The following NR2F6 variants were observed in gnomAD, a reference collection of about 807,000 sequenced individuals.
NR2F6 encodes ERBA-related gene-2.
A neutral mutation model predicts 26.5 loss-of-function variants in NR2F6; 16 were observed. The ratio of observed to expected loss-of-function variants is 0.60; its 90% CI spans 0.41 to 0.92. The LOEUF is 0.92. NR2F6 is among the 40% of genes least tolerant of loss of function. The probability of loss-of-function intolerance (pLI) is 0.00; values close to 1 mark genes in which losing one functional copy is unlikely to be tolerated. For missense variants in NR2F6, 536 were observed against 631.7 expected, an observed-to-expected ratio of 0.85 and a Z score of 1.62; for synonymous variants, 325 against 305.0, an observed-to-expected ratio of 1.07 and a Z score of -0.68.
intron 3 of NR2F6, among the ~76,000 whole-genome samples, chr19:17,233,788 C>G (rs1477401000): frequency 6.6e-6 from 1 of 151,850 alleles, no homozygotes; most frequent in African/African-American, 2.4e-5. Context: ...ACCAGCCAGG[C>G]CAAGGAGATG....
intron 2 of NR2F6, 92 bp downstream of exon 2, chr19:17,240,579 A>C (rs952177187): frequency 5.6e-5 from 68 of 1,204,858 alleles, no homozygotes; most frequent in Non-Finnish European, 7.1e-5. Context: ...GGAGGGGTGA[A>C]AGGGAGGGGA....
chr19:17,237,646 G>A (rs991334742), intron 2 of NR2F6, among the ~76,000 whole-genome samples: 1 of 152,076 alleles, frequency 6.6e-6, no homozygotes, highest in Non-Finnish European at 1.5e-5. Flanking sequence ...TCCTGACCTC[G>A]TGATCTGCCC....
intron 1 of NR2F6, among the ~76,000 whole-genome samples, chr19:17,241,371 C>T (rs1020963801): frequency 1.3e-5 from 2 of 151,920 alleles, no homozygotes; most frequent in Admixed American, 1.3e-4. Context: ...GAAGGCCCCA[C>T]ACCTACGCTC....
At chr19:17,244,825 A>T in intron 1 of NR2F6, 118 bp downstream of exon 1, 1 of 1,197,270 alleles carries the variant, frequency 8.4e-7, no homozygotes, top group Non-Finnish European at 1.2e-6. Flanking sequence ...CCTATCTCAG[A>T]GGGGGCAGTG....
intron 1 of NR2F6, 114 bp from the exon 2 acceptor site, chr19:17,240,879 G>T: frequency 1.0e-6 from 1 of 983,676 alleles, no homozygotes; most frequent in Non-Finnish European, 1.5e-6. Context: ...GGGCCCTCTA[G>T]ACTGGAGAGG....
chr19:17,244,932 G>A lies in NR2F6; in HGVS notation c.278+11C>T. 2.6e-6 allele frequency: 4 copies of A among 1,563,194 alleles called. No homozygotes were observed. The highest frequency in any genetic ancestry group is 1.9e-5 in the Admixed American group (1 of 51,398). ...GGGTGCACGGCGGCGGCGCGCGGAT[G>A]GGGGGCTCACCGGCAGGTGTAGCTG... is the stretch of plus-strand genomic sequence containing the variant. On this transcript the variant is annotated intron_variant, in intron 1 of 3. Transcript: ENST00000291442.
At chr19:17,233,936 C>A (rs1279790929) in intron 3 of NR2F6, among the ~76,000 whole-genome samples, 1 of 151,872 alleles carries the variant, frequency 6.6e-6, no homozygotes, top group Non-Finnish European at 1.5e-5. Flanking sequence ...AAGAAGAAAT[C>A]TGGGAAGGCC....
At chr19:17,234,926 G>A (rs2073427191) in intron 3 of NR2F6, among the ~76,000 whole-genome samples, 1 of 152,188 alleles carries the variant, frequency 6.6e-6, no homozygotes, top group Admixed American at 6.5e-5. Flanking sequence ...CCAGTCGCTG[G>A]AATACGATGG....
intron 1 of NR2F6, among the ~76,000 whole-genome samples, 154 bp downstream of exon 1, chr19:17,244,789 G>A (rs1568318846): frequency 1.3e-5 from 2 of 152,228 alleles, no homozygotes; most frequent in East Asian, 1.9e-4. Context: ...TCCCAGCCAT[G>A]GAATGCGGGA....
chr19:17,235,547 C>T lies in NR2F6; in HGVS notation c.892G>A (p.Asp298Asn). 6.3e-7 allele frequency: 1 copy of T among 1,596,668 alleles called. No individual in the cohort carries two copies. Among genetic ancestry groups the T allele is most frequent in the Admixed American group, 1.7e-5 (1 of 59,502 alleles). Reference protein sequence around the residue: ...QVDKLGRLQVDSAEYGCLKAI... With the variant: ...QVDKLGRLQVNSAEYGCLKAI... ...TTGAGGCAGCCATACTCGGCCGAGTCGACCTGCAGGCGGCCCAGCTTGTCC... is the reference window on the plus strand; with the variant it reads ...TTGAGGCAGCCATACTCGGCCGAGTTGACCTGCAGGCGGCCCAGCTTGTCC... Residue 298 changes from aspartate to asparagine, a missense_variant, in exon 3 of 4, where the codon GAC (aspartate) becomes AAC (asparagine). Asp to Asn is a conservative substitution (Grantham distance 23). Transcript: ENST00000291442. The surrounding 1 kb of genome is among the most constrained non-coding windows in gnomAD (Gnocchi z 5.0).
chr19:17,243,474 A>G (rs2073479681), intron 1 of NR2F6, among the ~76,000 whole-genome samples: 1 of 141,618 alleles, frequency 7.1e-6, no homozygotes, highest in South Asian at 2.3e-4. Flanking sequence ...CCCCCCACCC[A>G]AAATTGCTGC....
At chr19:17,240,786 G>C (rs769144141) in intron 1 of NR2F6, 21 bp from the exon 2 acceptor site, 1 of 1,611,786 alleles carries the variant, frequency 6.2e-7, no homozygotes, top group Non-Finnish European at 8.5e-7. Flanking sequence ...ACAGAAGCCA[G>C]GGCTCCCTGA....
At chr19:17,238,551 A>C (rs2073451689) in intron 2 of NR2F6, among the ~76,000 whole-genome samples, 1 of 152,134 alleles carries the variant, frequency 6.6e-6, no homozygotes, top group Admixed American at 6.6e-5. Context: ...TTTCCACCCG[A>C]GGCTTTTGGA....
At chr19:17,242,171 AG>A (rs551571883) in intron 1 of NR2F6, among the ~76,000 whole-genome samples, 372 of 151,784 alleles carry the variant, frequency 2.5e-3, no homozygotes, top group African/African-American at 8.6e-3. Flanking sequence ...ATACAAAATT[AG>A]CCGGGCATGG....
Position 17,235,655 on chromosome 19 carries a change from C to T in NR2F6, c.784G>A (p.Ala262Thr). ...LPLHTAPLLA[A>T]AGLHAAPMAA... ...ATAGGCGCGGCGTGGAGGCCGGCGG[C>T]GGCCAGTAGCGGCGCCGTGTGCAGG... is the stretch of plus-strand genomic sequence containing the variant. Residue 262 changes from alanine (A) to threonine (T), a missense_variant, in exon 3 of 4, where the codon GCC (alanine) becomes ACC (threonine). Coordinates refer to ENST00000291442, the MANE Select transcript of NR2F6 (RefSeq NM_005234.4). The surrounding 1 kb of genome is among the most constrained non-coding windows in gnomAD (Gnocchi z 5.0). 6.6e-7 allele frequency: 1 copy of T among 1,519,664 alleles called. No homozygotes were observed. The highest frequency in any genetic ancestry group is 8.8e-7 in the Non-Finnish European group (1 of 1,141,602). 94.1% of individuals were successfully genotyped at this position (1,519,664 alleles called of 1,614,324 possible).
In NR2F6 at chr19:17,245,438, GCGGGGCCGGGCC is replaced by G. The variant is rs1241181677; in HGVS notation, c.-230_-219del. The stretch of plus-strand genomic sequence containing the variant: ...TCCAGGCCAACTTTCCCACGCGTGC[GCGGGGCCGGGCC>G]CGGGGCCGGGAGGGGCACGCTAGAG... On this transcript the variant is annotated 5_prime_UTR_variant, in exon 1 of 4. Coordinates refer to ENST00000291442, the MANE Select transcript of NR2F6 (RefSeq NM_005234.4). The surrounding 1 kb of genome is among the most constrained non-coding windows in gnomAD (Gnocchi z 5.0). 3.6e-6 allele frequency: 1 copy of G among 281,222 alleles called. No individual in the cohort carries two copies. The highest frequency in any genetic ancestry group is 6.3e-6 in the Non-Finnish European group (1 of 159,910). The allele number at this position is 281,222 out of a possible 1,614,324, so 17.4% of individuals were successfully genotyped here.
At chr19:17,238,719 A>G (rs1231284730) in intron 2 of NR2F6, among the ~76,000 whole-genome samples, 1 of 152,190 alleles carries the variant, frequency 6.6e-6, no homozygotes, top group African/African-American at 2.4e-5. Context: ...CAGTTTTAAA[A>G]GAAAGCCCCT....
chr19:17,233,673 T>C lies in NR2F6; in HGVS notation c.941-1047A>G, dbSNP rs975913508. ...CACCACGCCTAGCTAATTTTTGTATTTTTAGTAGAGACGGGTTTTGCTGTG... is the reference window on the plus strand; with the variant it reads ...CACCACGCCTAGCTAATTTTTGTATCTTTAGTAGAGACGGGTTTTGCTGTG... On this transcript the variant is annotated intron_variant, in intron 3 of 3. Coordinates refer to ENST00000291442, the MANE Select transcript of NR2F6 (RefSeq NM_005234.4). 3.9e-5 allele frequency among the ~76,000 whole-genome samples: 6 copies of C among 152,092 alleles called. No homozygotes were observed. The South Asian group carries it at 1.2e-3, about 32-fold the overall frequency.
chr19:17,240,537 C>A (rs1354484427), intron 2 of NR2F6, 134 bp downstream of exon 2: 9 of 940,204 alleles, frequency 9.6e-6, no homozygotes, highest in Non-Finnish European at 1.3e-5. Context: ...CGCCGGCCCC[C>A]ACCCTGTGAG....
Sources: allele counts gnomAD v4.1 joint callset (sites outside exome capture counted in the v4.1 genomes callset), GRCh38; gene constraint gnomAD v4.1.1; non-coding constraint Gnocchi (gnomAD v3.1); transcripts MANE v1.5; gene names NCBI Gene and HGNC (gene_info 2026-07-23, HGNC 2026-07-21).